The following SARDH variants were observed in gnomAD, a reference collection of about 807,000 sequenced individuals.
The protein encoded by SARDH is sarcosine dehydrogenase, mitochondrial.
Under a neutral mutation model 109.1 loss-of-function variants are expected in SARDH, and 95 were observed. The ratio of observed to expected loss-of-function variants is 0.87; its 90% CI spans 0.74 to 1.03. The LOEUF (loss-of-function observed/expected upper bound fraction) is 1.03. SARDH is among the 50% of genes least tolerant of loss of function. SARDH has a pLI of 0.00. For synonymous variants in SARDH, 572 were observed against 534.8 expected, an observed-to-expected ratio of 1.07 and a Z score of -0.96; for missense variants, 1,267 against 1,287.8, an observed-to-expected ratio of 0.98 and a Z score of 0.25.
Position 133,690,450 on chromosome 9 carries a change from G to T in SARDH, c.1999C>A (p.Gln667Lys). The T allele has an allele frequency of 6.2e-7, 1 of 1,613,016 alleles. No homozygotes were observed. The highest frequency in any genetic ancestry group is 8.5e-7 in the Non-Finnish European group (1 of 1,179,918). Residue 667 changes from glutamine (Q) to lysine (K), a missense_variant, in exon 16 of 21, where the codon CAG (glutamine) becomes AAG (lysine). Transcript: ENST00000439388. ...WSHITTVLQD[Q>K]KSQCQLIDSS... ...TCGATGAGCTGGCACTGGGACTTCT[G>T]GTCCTGCAGCACGGTGGTGATGTGG...
Position 133,730,142 on chromosome 9 carries a change from C to T in SARDH, c.736G>A (p.Asp246Asn). 1.9e-6 allele frequency: 3 copies of T among 1,614,244 alleles called. No homozygotes were observed. The highest frequency in any genetic ancestry group is 1.6e-4 in the Middle Eastern group (1 of 6,062). ...PVTGIRVWTD[D>N]FGVRRVAGVE... ...CCCGCGACCCGCCGCACCCCAAAAT[C>T]ATCCGTCCACACACGAATGCCGGTC... is the stretch of plus-strand genomic sequence containing the variant. The change falls in exon 5 of 21, where the codon GAT (aspartate) becomes AAT (asparagine). Residue 246 changes from aspartate to asparagine, a missense_variant. By Grantham distance (23) the Asp-to-Asn change is conservative. Transcript: ENST00000439388.
At position 133,704,997 on chromosome 9, in the gene SARDH, C is replaced by T. The variant is rs775247125; in HGVS notation, c.1505G>A (p.Arg502Gln). ...LLGQGCVFQERHGWERPGWFH... is the reference protein window; with the variant it reads ...LLGQGCVFQEQHGWERPGWFH... ...CCATCCCGGTCGCTCCCAGCCATGC[C>T]GCTCCTGGAACACGCAGCCTTGTCC... Residue 502 changes from arginine (R) to glutamine (Q), a missense_variant, in exon 12 of 21, where the codon CGG (arginine) becomes CAG (glutamine). Transcript: ENST00000439388. The surrounding 1 kb of genome is among the most constrained non-coding windows in gnomAD (Gnocchi z 4.5). The T allele has an allele frequency of 6.5e-5, 104 of 1,591,304 alleles. No homozygotes were observed. Among genetic ancestry groups the T allele is most frequent in the Non-Finnish European group, 8.4e-5 (98 of 1,170,002 alleles).
chr9:133,736,839 C>T (rs992614240), intron 1 of SARDH, among the ~76,000 whole-genome samples: 3 of 152,194 alleles, frequency 2.0e-5, no homozygotes. Context: ...GGCTGTGATC[C>T]AAGATGTGAA....
At chr9:133,660,810 AG>A, downstream of SARDH, among the ~76,000 whole-genome samples, 1 of 152,362 alleles carries the variant, frequency 6.6e-6, no homozygotes, top group South Asian at 2.1e-4. Flanking sequence ...CAGCCAGCAT[AG>A]GGGTGCCTGC....
rs562388994 is a variant in SARDH, at chr9:133,691,830, GTTT to G, written c.1922-1306_1922-1304del. ...AAAGTAAAGCAAAGCCCACATGGTGGTTTTCTCCTGTTGAGTGGTGTCCCCAGG... is the reference window on the plus strand; with the variant it reads ...AAAGTAAAGCAAAGCCCACATGGTGGTCTCCTGTTGAGTGGTGTCCCCAGG... On this transcript the variant is annotated intron_variant, in intron 15 of 20. Coordinates refer to ENST00000439388, the MANE Select transcript of SARDH (RefSeq NM_001134707.2). Among the ~76,000 whole-genome samples the G allele has an allele frequency of 7.3e-3, 1,119 of 152,252 alleles. 11 individuals are homozygous for G. Among genetic ancestry groups the G allele is most frequent in the Middle Eastern group, 0.031 (9 of 294 alleles).
rs1483091973 is a variant in SARDH at position 133,683,298 on chromosome 9, G to A, written c.2163+1895C>T. Among the ~76,000 whole-genome samples, 5 of 152,188 alleles carry A rather than the reference G, an allele frequency of 3.3e-5. 1 individual carries two copies. Among genetic ancestry groups the A allele is most frequent in the Admixed American group, 2.6e-4 (4 of 15,282 alleles). Reference sequence around the variant, plus strand: ...GGAGTGGCCGTGCGGGTGGGGGCAAGGCTGCTGGGCCTCAAATGGGAGGGG... The same window carrying A: ...GGAGTGGCCGTGCGGGTGGGGGCAAAGCTGCTGGGCCTCAAATGGGAGGGG... On this transcript the variant is annotated intron_variant, in intron 17 of 20. Coordinates refer to ENST00000439388, the MANE Select transcript of SARDH (RefSeq NM_001134707.2).
At chr9:133,707,023 C>A (rs1471236846) in intron 11 of SARDH, among the ~76,000 whole-genome samples, 4 of 152,204 alleles carry the variant, frequency 2.6e-5, no homozygotes, top group African/African-American at 9.6e-5. Flanking sequence ...CCATGGGCCA[C>A]CTTTCTAAGG....
chr9:133,730,923 G>T (rs955524795), intron 4 of SARDH, among the ~76,000 whole-genome samples: 2 of 152,186 alleles, frequency 1.3e-5, no homozygotes, highest in Non-Finnish European at 2.9e-5. Context: ...CTTGCAGTGA[G>T]CAGTGATCAT....
chr9:133,727,693 GCTGGGGC>G (rs1832539391), intron 6 of SARDH, among the ~76,000 whole-genome samples: 1 of 149,834 alleles, frequency 6.7e-6, no homozygotes, highest in African/African-American at 2.4e-5. Context: ...TCTCAGAGCT[GCTGGGGC>G]TGATGGCCCT....
intron 17 of SARDH, among the ~76,000 whole-genome samples, chr9:133,673,121 T>C (rs1203771930): frequency 6.6e-6 from 1 of 152,198 alleles, no homozygotes; most frequent in Non-Finnish European, 1.5e-5. Flanking sequence ...CTGGTGTCTT[T>C]GGGAGGGTGT....
At chr9:133,701,161 A>C (rs529282802) in intron 13 of SARDH, among the ~76,000 whole-genome samples, 3 of 152,352 alleles carry the variant, frequency 2.0e-5, no homozygotes, top group African/African-American at 7.2e-5. Context: ...CCAGCTCCAC[A>C]TTCAGTGATG....
At chr9:133,670,285 C>T (rs1054633272) in intron 19 of SARDH, among the ~76,000 whole-genome samples, 3 of 148,618 alleles carry the variant, frequency 2.0e-5, no homozygotes, top group Non-Finnish European at 3.0e-5. Context: ...GCCGAGATTG[C>T]GCCACTGCAC....
rs150712643 is a variant in SARDH, at chr9:133,729,786, G to A, written c.894C>T (p.Thr298=). 3.1e-5 allele frequency: 50 copies of A among 1,612,874 alleles called. No homozygotes were observed. In the African/African-American group the frequency reaches 4.7e-4, roughly 15 times the overall value. Residue 298 remains threonine, a synonymous_variant, in exon 6 of 21, where the codon ACC becomes ACT. Transcript: ENST00000439388. ...CTACCTGAATCCCCTCGATGCGCTC[G>A]GTGACGACATAGGCATGGTGCATGG... ...LVAMHHAYVV[T]ERIEGIQNMP...
At chr9:133,682,184 A>G (rs1256980199) in intron 17 of SARDH, among the ~76,000 whole-genome samples, 2 of 151,988 alleles carry the variant, frequency 1.3e-5, no homozygotes, top group East Asian at 3.9e-4. Flanking sequence ...CAAAGCAGAG[A>G]GGTGGACCCG....
downstream of SARDH, among the ~76,000 whole-genome samples, chr9:133,660,718 C>CCAT (rs1188536655): frequency 6.6e-6 from 1 of 152,110 alleles, no homozygotes; most frequent in East Asian, 1.9e-4. Context: ...GCACAACCCC[C>CCAT]CATCTGTGAG....
At chr9:133,737,247 A>G (rs148504722) in intron 1 of SARDH, among the ~76,000 whole-genome samples, 4 of 152,242 alleles carry the variant, frequency 2.6e-5, no homozygotes, top group East Asian at 1.9e-4. Context: ...GCTGCCCCCC[A>G]TCTCCTGCCC....
At chr9:133,711,575 C>T (rs972907587) in intron 10 of SARDH, among the ~76,000 whole-genome samples, 2 of 152,156 alleles carry the variant, frequency 1.3e-5, no homozygotes, top group Non-Finnish European at 2.9e-5. Flanking sequence ...AGCTGGGGGG[C>T]CTCAGTGTCA....
intron 8 of SARDH, among the ~76,000 whole-genome samples, chr9:133,714,138 C>G (rs1336966450): frequency 1.3e-5 from 2 of 152,184 alleles, no homozygotes; most frequent in African/African-American, 4.8e-5. Flanking sequence ...GCACTTCGTT[C>G]GTGAACGATG....
chr9:133,666,913 G>A lies in SARDH; in HGVS notation c.2496-43C>T, dbSNP rs1267108011. On this transcript the variant is annotated intron_variant, in intron 19 of 20. Coordinates refer to ENST00000439388, the MANE Select transcript of SARDH (RefSeq NM_001134707.2). The surrounding 1 kb of genome is among the most constrained non-coding windows in gnomAD (Gnocchi z 5.2). Reference sequence around the variant, plus strand: ...GAAAGCTGGGGCCCCAGAAACCGCAGGGTGGGGACGCGTCCACAGCGGCCT... The same window carrying A: ...GAAAGCTGGGGCCCCAGAAACCGCAAGGTGGGGACGCGTCCACAGCGGCCT... 11 of 1,609,424 alleles carry A rather than the reference G, an allele frequency of 6.8e-6. No homozygotes were observed. Among genetic ancestry groups the A allele is most frequent in the African/African-American group, 1.3e-5 (1 of 74,998 alleles).
Sources: gnomAD v4.1 joint callset for allele counts (sites outside exome capture counted in the v4.1 genomes callset) on GRCh38, gnomAD v4.1.1 for gene constraint, Gnocchi (gnomAD v3.1) non-coding constraint, MANE v1.5 for transcripts, NCBI Gene and HGNC (gene_info 2026-07-23, HGNC 2026-07-21) for gene names.